CDH20: variants seen among roughly 807,000 people sequenced by gnomAD.
CDH20 encodes cadherin-20.
CDH20 carries 29 observed loss-of-function variants against 74.2 expected under a neutral mutation model. The ratio of observed to expected loss-of-function variants is 0.39; its 90% CI spans 0.29 to 0.53. The LOEUF (loss-of-function observed/expected upper bound fraction) is 0.53. Among genes scored for constraint, CDH20 ranks in the 20% least tolerant of loss-of-function variants. CDH20 has a pLI of 0.69. For synonymous variants in CDH20, 469 were observed against 405.4 expected (o/e 1.16, Z -1.88); for missense variants, 988 against 1,048.3 (o/e 0.94, Z 0.79).
chr18:61,488,180 T>A (rs1180906308), intron 1 of CDH20, among the ~76,000 whole-genome samples: 5 of 152,180 alleles, frequency 3.3e-5, no homozygotes, highest in Non-Finnish European at 5.9e-5. Context: ...AAGAGTTTTC[T>A]AATAGCTAGC....
intron 1 of CDH20, among the ~76,000 whole-genome samples, chr18:61,481,337 A>G (rs1244369232): frequency 6.6e-6 from 1 of 152,202 alleles, no homozygotes; most frequent in Non-Finnish European, 1.5e-5. Flanking sequence ...GGTCGTGATA[A>G]TCTGTAATAC....
intron 1 of CDH20, among the ~76,000 whole-genome samples, chr18:61,481,900 ATCAAGCATATT>A (rs1385750630): frequency 6.6e-6 from 1 of 152,158 alleles, no homozygotes; most frequent in Non-Finnish European, 1.5e-5. Context: ...ACTATGAACT[ATCAAGCATATT>A]TCAAATGTTT....
chr18:61,440,138 T>C (rs991929941), intron 1 of CDH20, among the ~76,000 whole-genome samples: 9 of 152,342 alleles, frequency 5.9e-5, no homozygotes, highest in Non-Finnish European at 1.0e-4. Context: ...TGCCTATGAC[T>C]TTGCAGAGCC....
At chr18:61,547,395 T>G (rs1244495722) in intron 10 of CDH20, among the ~76,000 whole-genome samples, 1 of 152,208 alleles carries the variant, frequency 6.6e-6, no homozygotes, top group African/African-American at 2.4e-5. Context: ...CCTCTGTTCC[T>G]GTGCCTGAAA....
chr18:61,352,584 G>A (rs1274055214), intron 1 of CDH20, among the ~76,000 whole-genome samples: 5 of 152,152 alleles, frequency 3.3e-5, no homozygotes, highest in Non-Finnish European at 5.9e-5. Context: ...AAGTTCCTGA[G>A]GGCCTGCCAT....
At chr18:61,519,131 C>G (rs995518463) in intron 6 of CDH20, among the ~76,000 whole-genome samples, 1 of 151,116 alleles carries the variant, frequency 6.6e-6, no homozygotes, top group Admixed American at 6.6e-5. Flanking sequence ...ATGAAAAGAC[C>G]AAACCTACAT....
chr18:61,475,618 A>T (rs1022445380), intron 1 of CDH20, among the ~76,000 whole-genome samples: 1 of 152,206 alleles, frequency 6.6e-6, no homozygotes, highest in East Asian at 1.9e-4. Context: ...ATGCTTAGTG[A>T]CCATGACTTT....
At chr18:61,454,918 G>T (rs978404610) in intron 1 of CDH20, among the ~76,000 whole-genome samples, 5 of 152,178 alleles carry the variant, frequency 3.3e-5, no homozygotes, top group African/African-American at 1.2e-4. Context: ...AAAGCATCAT[G>T]CGTGAGGCAA....
chr18:61,550,092 G>A lies in CDH20; in HGVS notation c.1763G>A (p.Gly588Asp). 1 of 1,614,234 alleles carries A rather than the reference G, an allele frequency of 6.2e-7. No individual in the cohort carries two copies. The highest frequency in any genetic ancestry group is 1.1e-5 in the South Asian group (1 of 91,088). The change falls in exon 11 of 12, where the codon GGC becomes GAC. Residue 588 changes from glycine to aspartate, a missense_variant. Gly to Asp is a moderately conservative substitution (Grantham distance 94). Coordinates refer to ENST00000262717, the MANE Select transcript of CDH20 (RefSeq NM_031891.4). ...GGGCAGCCCGTGCTGAGCAGCACAGGCACACTGACCATCCAAGTGTGCAGC... is the reference window on the plus strand; with the variant it reads ...GGGCAGCCCGTGCTGAGCAGCACAGACACACTGACCATCCAAGTGTGCAGC... Reference protein sequence around the residue: ...DSGQPVLSSTGTLTIQVCSCD... With the variant: ...DSGQPVLSSTDTLTIQVCSCD...
intron 6 of CDH20, among the ~76,000 whole-genome samples, chr18:61,517,676 C>T (rs570224240): frequency 1.2e-4 from 17 of 145,944 alleles, no homozygotes; most frequent in African/African-American, 3.3e-4. Context: ...GAGCAGACAC[C>T]GAACTAGCTG....
rs558705777 is a variant in CDH20, at chr18:61,392,485, G to A, written c.-153+58658G>A. Among the ~76,000 whole-genome samples, 17 of 152,264 alleles carry A rather than the reference G, an allele frequency of 1.1e-4. 1 individual carries two copies. In the South Asian group the frequency reaches 2.9e-3, roughly 26 times the overall value. ...CAATCCCCATGGATACAGAGGACAG[G>A]CTGTAGTCTCACAGCTCTCTTCCTT... On this transcript the variant is annotated intron_variant, in intron 1 of 11. Transcript: ENST00000262717.
chr18:61,426,140 C>T (rs1362766603), intron 1 of CDH20, among the ~76,000 whole-genome samples: 1 of 151,724 alleles, frequency 6.6e-6, no homozygotes. Flanking sequence ...TCTATATATA[C>T]TATTGTGTCA....
intron 1 of CDH20, among the ~76,000 whole-genome samples, chr18:61,350,376 T>C (rs1051258248): frequency 3.9e-4 from 59 of 152,154 alleles, no homozygotes; most frequent in African/African-American, 1.4e-3. Context: ...CTGCACTCCC[T>C]TTAATAATCA....
At chr18:61,539,345 C>G (rs529424863) in intron 9 of CDH20, among the ~76,000 whole-genome samples, 200 bp downstream of exon 9, 1 of 152,264 alleles carries the variant, frequency 6.6e-6, no homozygotes, top group East Asian at 1.9e-4. Flanking sequence ...GTGGCTCATG[C>G]CTGTAATCCT....
chr18:61,390,963 G>T (rs1177326008), intron 1 of CDH20, among the ~76,000 whole-genome samples: 1 of 152,080 alleles, frequency 6.6e-6, no homozygotes, highest in South Asian at 2.1e-4. Flanking sequence ...ACCACTGACA[G>T]ATGACAGACT....
chr18:61,376,328 G>T (rs1216723613), intron 1 of CDH20, among the ~76,000 whole-genome samples: 1 of 151,928 alleles, frequency 6.6e-6, no homozygotes, highest in Non-Finnish European at 1.5e-5. Context: ...AGGAATTTTG[G>T]TTCACATTTT....
rs772026290 is a variant in CDH20, at chr18:61,554,365, G to A, written c.2076G>A (p.Gly692=). The change falls in exon 12 of 12, where the codon GGG becomes GGA. Residue 692 remains glycine (G), a synonymous_variant. Coordinates refer to ENST00000262717, the MANE Select transcript of CDH20 (RefSeq NM_031891.4). ...GGAACCCCCGGGAGGCGCAGGCGGG[G>A]GCCGCCCCCAAGACGCGGCAGGACA... ...AMWNPREAQA[G]AAPKTRQDML... 1.2e-6 allele frequency: 2 copies of A among 1,612,990 alleles called. No homozygotes were observed. Among genetic ancestry groups the A allele is most frequent in the Non-Finnish European group, 1.7e-6 (2 of 1,179,724 alleles).
intron 1 of CDH20, among the ~76,000 whole-genome samples, chr18:61,413,308 T>C (rs1216906326): frequency 6.6e-6 from 1 of 151,308 alleles, no homozygotes; most frequent in East Asian, 2.0e-4. Context: ...GAATGAAATG[T>C]GCTAAACCTG....
At chr18:61,462,831 A>T (rs1909831767) in intron 1 of CDH20, among the ~76,000 whole-genome samples, 1 of 152,122 alleles carries the variant, frequency 6.6e-6, no homozygotes, top group African/African-American at 2.4e-5. Flanking sequence ...TGGATGGCAT[A>T]GAGTTCAAGA....
Sources: gnomAD v4.1 joint callset for allele counts (sites outside exome capture counted in the v4.1 genomes callset) on GRCh38, gnomAD v4.1.1 for gene constraint, MANE v1.5 for transcripts, NCBI Gene and HGNC (gene_info 2026-07-23, HGNC 2026-07-21) for gene names.